Variants in ADGRB3 observed in about 807,000 individuals in gnomAD.
ADGRB3 encodes adhesion G protein-coupled receptor B3, also known as brain-specific angiogenesis inhibitor 3.
A neutral mutation model predicts 193.4 loss-of-function variants in ADGRB3; 37 were observed. That is an observed-to-expected ratio of 0.19 (90% CI 0.15 to 0.25). ADGRB3 has a LOEUF of 0.25. ADGRB3 is among the 10% of genes least tolerant of loss of function. The probability of loss-of-function intolerance (pLI) is 1.00; values close to 1 mark genes in which losing one functional copy is unlikely to be tolerated. For synonymous variants in ADGRB3, 690 were observed against 644.2 expected (o/e 1.07, Z -1.08); for missense variants, 1,637 against 1,852.9 (o/e 0.88, Z 2.14).
intron 20 of ADGRB3, among the ~76,000 whole-genome samples, chr6:69,250,255 C>T (rs1223794017): frequency 6.6e-6 from 1 of 152,024 alleles, no homozygotes. Flanking sequence ...GTGATTTTTC[C>T]TAATGAATAG....
rs78742644 is a variant in ADGRB3 at position 69,024,508 on chromosome 6, A to C, written c.2107+6009A>C. On this transcript the variant is annotated intron_variant, in intron 13 of 31. Coordinates refer to ENST00000370598, the MANE Select transcript of ADGRB3 (RefSeq NM_001704.3). ...TAGATGAATGTTGCTACACCCACTT[A>C]CAGCTATTTCACAACTGTTCCTTAG... 3.0e-4 allele frequency among the ~76,000 whole-genome samples: 45 copies of C among 152,324 alleles called. No individual in the cohort carries two copies. In the East Asian group the frequency reaches 7.5e-3, roughly 25 times the overall value.
At chr6:68,660,357 C>A (rs1768598636) in intron 3 of ADGRB3, among the ~76,000 whole-genome samples, 1 of 147,328 alleles carries the variant, frequency 6.8e-6, no homozygotes, top group East Asian at 2.0e-4. Context: ...TATGTTGATA[C>A]TTTGGGATAC....
intron 3 of ADGRB3, among the ~76,000 whole-genome samples, chr6:68,640,641 C>T (rs1768064336): frequency 6.6e-6 from 1 of 152,220 alleles, no homozygotes; most frequent in Non-Finnish European, 1.5e-5. Flanking sequence ...CTTTCCTTTT[C>T]CTCAACCAAC....
chr6:69,171,583 T>G (rs1775272321), intron 17 of ADGRB3, among the ~76,000 whole-genome samples: 1 of 152,154 alleles, frequency 6.6e-6, no homozygotes, highest in East Asian at 1.9e-4. Flanking sequence ...TCTGTTATGA[T>G]CCATACAATT....
chr6:69,062,860 A>G, intron 15 of ADGRB3, 74 bp from the exon 16 acceptor site: 1 of 1,063,538 alleles, frequency 9.4e-7, no homozygotes, highest in East Asian at 2.6e-5. Flanking sequence ...AACCATCCCA[A>G]AATGTATTGA....
chr6:69,086,566 GTGTT>G (rs1772556575), intron 17 of ADGRB3, among the ~76,000 whole-genome samples: 1 of 152,132 alleles, frequency 6.6e-6, no homozygotes, highest in South Asian at 2.1e-4. Flanking sequence ...TTATGATACT[GTGTT>G]TGAGAATACA....
At chr6:69,107,519 T>C (rs1773248235) in intron 17 of ADGRB3, among the ~76,000 whole-genome samples, 1 of 152,224 alleles carries the variant, frequency 6.6e-6, no homozygotes, top group Non-Finnish European at 1.5e-5. Context: ...TCAACCAAGA[T>C]TGTGTGAATT....
intron 17 of ADGRB3, among the ~76,000 whole-genome samples, chr6:69,080,373 A>T (rs1772352889): frequency 6.6e-6 from 1 of 152,058 alleles, no homozygotes; most frequent in Non-Finnish European, 1.5e-5. Context: ...CCCTGCAGGG[A>T]ATAACCAAAT....
At chr6:68,921,484 T>TA (rs1767042403) in intron 3 of ADGRB3, among the ~76,000 whole-genome samples, 1 of 152,188 alleles carries the variant, frequency 6.6e-6, no homozygotes. Flanking sequence ...ACACTACGTG[T>TA]ACTGAAATAT....
intron 17 of ADGRB3, among the ~76,000 whole-genome samples, chr6:69,148,279 TA>T (rs1399679497): frequency 6.6e-5 from 10 of 152,290 alleles, no homozygotes; most frequent in Admixed American, 2.0e-4. Flanking sequence ...TATTACTTTT[TA>T]TTTTTTGTAT....
intron 11 of ADGRB3, among the ~76,000 whole-genome samples, chr6:69,000,429 C>T (rs945013442): frequency 2.0e-5 from 3 of 152,162 alleles, no homozygotes; most frequent in African/African-American, 7.2e-5. Context: ...GATGCACTAA[C>T]ATTGAACTCA....
At chr6:68,660,007 AAAACC>A (rs1426719436) in intron 3 of ADGRB3, among the ~76,000 whole-genome samples, 537 of 151,202 alleles carry the variant, frequency 3.6e-3, no homozygotes, top group African/African-American at 0.011. Flanking sequence ...ATCACTGATT[AAAACC>A]ATACTTCAAT....
intron 8 of ADGRB3, among the ~76,000 whole-genome samples, chr6:68,966,725 G>A (rs1472246244): frequency 6.6e-6 from 1 of 152,142 alleles, no homozygotes; most frequent in Non-Finnish European, 1.5e-5. Flanking sequence ...TCATCTTTAT[G>A]ACCATTTTAG....
chr6:69,140,900 A>C (rs935057158), intron 17 of ADGRB3, among the ~76,000 whole-genome samples: 8 of 152,128 alleles, frequency 5.3e-5, no homozygotes, highest in African/African-American at 1.4e-4. Context: ...ACAATCATTT[A>C]ATAATAACCT....
At chr6:68,841,887 G>T (rs547295836) in intron 3 of ADGRB3, among the ~76,000 whole-genome samples, 2 of 151,868 alleles carry the variant, frequency 1.3e-5, no homozygotes, top group South Asian at 2.1e-4. Context: ...GGGTGTGTGT[G>T]TGGCAAGGAG....
rs1369190324 is a variant in ADGRB3, at chr6:69,269,658, A to C, written c.2814+30432A>C. Among the ~76,000 whole-genome samples the C allele has an allele frequency of 2.0e-5, 3 of 152,300 alleles. No individual in the cohort carries two copies. The South Asian group carries it at 6.2e-4, about 32-fold the overall frequency. On this transcript the variant is annotated intron_variant, in intron 20 of 31. Coordinates refer to ENST00000370598, the MANE Select transcript of ADGRB3 (RefSeq NM_001704.3). Reference sequence around the variant, plus strand: ...AAATAATATCGTGACTGATGTGCCCACAGCAATAATTAGTTTATAATATCA... The same window carrying C: ...AAATAATATCGTGACTGATGTGCCCCCAGCAATAATTAGTTTATAATATCA...
intron 20 of ADGRB3, among the ~76,000 whole-genome samples, chr6:69,301,305 AT>A (rs1260736897): frequency 6.6e-6 from 1 of 151,272 alleles, no homozygotes; most frequent in Non-Finnish European, 1.5e-5. Context: ...CGAGAGAAAT[AT>A]AAGTATTCAG....
chr6:68,762,549 T>G (rs527520313), intron 3 of ADGRB3, among the ~76,000 whole-genome samples: 42 of 150,550 alleles, frequency 2.8e-4, no homozygotes, highest in Non-Finnish European at 5.4e-4. Context: ...AAACAAAGAA[T>G]TGTTGAATAA....
intron 17 of ADGRB3, among the ~76,000 whole-genome samples, chr6:69,106,472 C>A (rs571607737): frequency 1.3e-4 from 20 of 152,236 alleles, no homozygotes; most frequent in African/African-American, 4.8e-4. Context: ...TAAGAAAATG[C>A]ATTCGTGTAC....
Sources: allele counts gnomAD v4.1 joint callset (sites outside exome capture counted in the v4.1 genomes callset), GRCh38; gene constraint gnomAD v4.1.1; transcripts MANE v1.5; gene names NCBI Gene and HGNC (gene_info 2026-07-23, HGNC 2026-07-21).